The following ECT2L variants were observed in gnomAD, a reference collection of about 807,000 sequenced individuals.
ECT2L encodes epithelial cell-transforming sequence 2 oncogene-like.
ECT2L carries 126 observed loss-of-function variants against 122.8 expected under a neutral mutation model. The observed-to-expected ratio is 1.03, with a 90% CI of 0.89 to 1.19. ECT2L has a LOEUF of 1.19. Ranked by LOEUF, ECT2L falls within the 50% of genes most tolerant of loss-of-function variation. ECT2L has a pLI of 0.00. For synonymous variants in ECT2L, 385 were observed against 381.8 expected (o/e 1.01, Z -0.10); for missense variants, 1,012 against 1,064.1 (o/e 0.95, Z 0.68).
chr6:138,853,826 A>G (rs938611109), intron 9 of ECT2L, among the ~76,000 whole-genome samples, 200 bp from the exon 10 acceptor site: 2 of 152,124 alleles, frequency 1.3e-5, no homozygotes, highest in Admixed American at 6.6e-5. Context: ...ATAGTGTCCA[A>G]TTTACCCAGG....
chr6:138,808,239 A>ATTTTTG (rs918856043), intron 1 of ECT2L, among the ~76,000 whole-genome samples: 5 of 151,914 alleles, frequency 3.3e-5, no homozygotes, highest in South Asian at 2.1e-4. Flanking sequence ...ATTGGATTTT[A>ATTTTTG]TTTTTGTTTT....
chr6:138,816,135 CAAGAT>C (rs1410330770), intron 4 of ECT2L, among the ~76,000 whole-genome samples: 2 of 152,182 alleles, frequency 1.3e-5, no homozygotes, highest in African/African-American at 4.8e-5. Context: ...TTGCAGCTTT[CAAGAT>C]AAGAAAATAA....
At position 138,838,904 on chromosome 6, in the gene ECT2L, C is replaced by A. The variant is rs138216436; in HGVS notation, c.342+390C>A. 7.6e-3 allele frequency among the ~76,000 whole-genome samples: 1,155 copies of A among 152,284 alleles called. 15 individuals are homozygous for A. Among genetic ancestry groups the A allele is most frequent in the African/African-American group, 0.026 (1,081 of 41,560 alleles). ...TCAAGTGACTCTCCCACCTCAGCCT[C>A]CTGAGTAGCTGGGATTACAGGCGCG... is the stretch of plus-strand genomic sequence containing the variant. On this transcript the variant is annotated intron_variant, in intron 5 of 21. Transcript: ENST00000541398.
rs539467941 is a variant in ECT2L at position 138,831,629 on chromosome 6, C to T, written c.180-6723C>T. The stretch of plus-strand genomic sequence containing the variant: ...TACTTTTTCTTCAGAAGATTAACTA[C>T]AGTTGTAATTTCACCTTTATTTATT... On this transcript the variant is annotated intron_variant, in intron 4 of 21. Coordinates refer to ENST00000541398, the MANE Select transcript of ECT2L (RefSeq NM_001077706.3). 2.8e-3 allele frequency among the ~76,000 whole-genome samples: 424 copies of T among 152,332 alleles called. 1 individual carries two copies. Among genetic ancestry groups the T allele is most frequent in the African/African-American group, 9.7e-3 (404 of 41,566 alleles).
chr6:138,857,050 C>T (rs1777635208), intron 10 of ECT2L, among the ~76,000 whole-genome samples: 1 of 152,126 alleles, frequency 6.6e-6, no homozygotes, highest in Non-Finnish European at 1.5e-5. Context: ...TTCCCTTCGC[C>T]CTGATGGAAG....
chr6:138,830,156 TA>T, intron 4 of ECT2L, among the ~76,000 whole-genome samples: 1 of 152,372 alleles, frequency 6.6e-6, no homozygotes, highest in East Asian at 1.9e-4. Context: ...TTTTGTTTGA[TA>T]ATATTAAAAG....
At chr6:138,802,879 C>T (rs535643945) in intron 1 of ECT2L, among the ~76,000 whole-genome samples, 1 of 152,028 alleles carries the variant, frequency 6.6e-6, no homozygotes, top group South Asian at 2.1e-4. Context: ...GAGTTCGAGA[C>T]AGCCTGGCCA....
At chr6:138,824,897 C>T (rs939642004) in intron 4 of ECT2L, among the ~76,000 whole-genome samples, 2 of 152,332 alleles carry the variant, frequency 1.3e-5, no homozygotes, top group African/African-American at 2.4e-5. Context: ...CTCCACCCCC[C>T]GGAACCACAT....
intron 21 of ECT2L, 143 bp from the exon 22 acceptor site, chr6:138,902,357 G>T: frequency 1.6e-6 from 1 of 636,930 alleles, no homozygotes; most frequent in South Asian, 2.1e-5. Flanking sequence ...GTAATTTTAG[G>T]AAGTTATATT....
intron 21 of ECT2L, among the ~76,000 whole-genome samples, chr6:138,901,720 T>C (rs1352369394): frequency 1.3e-5 from 2 of 152,212 alleles, no homozygotes; most frequent in Non-Finnish European, 2.9e-5. Flanking sequence ...ATACTTTACT[T>C]CCCAAGCTTA....
chr6:138,818,037 G>T (rs1157702544), intron 4 of ECT2L, among the ~76,000 whole-genome samples: 1 of 152,168 alleles, frequency 6.6e-6, no homozygotes, highest in African/African-American at 2.4e-5. Flanking sequence ...CCACACTGGT[G>T]GAACCGGTTT....
At chr6:138,824,149 C>T (rs1776352856) in intron 4 of ECT2L, among the ~76,000 whole-genome samples, 1 of 152,038 alleles carries the variant, frequency 6.6e-6, no homozygotes, top group Admixed American at 6.6e-5. Flanking sequence ...GAACTGTATA[C>T]ACACATTGTA....
intron 20 of ECT2L, among the ~76,000 whole-genome samples, chr6:138,898,419 T>C (rs1356393817): frequency 1.3e-5 from 2 of 152,220 alleles, no homozygotes; most frequent in Non-Finnish European, 2.9e-5. Context: ...AAACAACTCC[T>C]ACTTCCTAAC....
At chr6:138,876,622 T>C in intron 14 of ECT2L, 64 bp downstream of exon 14, 1 of 1,047,852 alleles carries the variant, frequency 9.5e-7, no homozygotes, top group Admixed American at 2.5e-5. Context: ...TTTCAGCCTT[T>C]ATTCTGGTTA....
At position 138,814,219 on chromosome 6, in the gene ECT2L, C is replaced by T. The variant is rs541487730; in HGVS notation, c.67-272C>T. On this transcript the variant is annotated intron_variant, in intron 3 of 21. Transcript: ENST00000541398. ...CCAGGAATCATTACCTCTTTGTTTT[C>T]CAGAGGCCCTTCTTGGGCCCCTCTA... Among the ~76,000 whole-genome samples, 58 of 152,328 alleles carry T rather than the reference C, an allele frequency of 3.8e-4. 1 individual carries two copies. Among genetic ancestry groups the T allele is most frequent in the Admixed American group, 8.5e-4 (13 of 15,300 alleles).
intron 1 of ECT2L, among the ~76,000 whole-genome samples, chr6:138,810,414 A>G (rs544841916): frequency 6.6e-6 from 1 of 152,230 alleles, no homozygotes; most frequent in Non-Finnish European, 1.5e-5. Flanking sequence ...ATCTCAGGGA[A>G]GAAAGACGTA....
chr6:138,873,731 T>C (rs750189206), intron 13 of ECT2L, among the ~76,000 whole-genome samples: 4 of 152,024 alleles, frequency 2.6e-5, no homozygotes, highest in Non-Finnish European at 5.9e-5. Context: ...GAGGCAGAGG[T>C]TGCAGTGAGC....
rs1562481791 is a variant in ECT2L, at chr6:138,865,191, GCTA to G, written c.1474+16_1474+18del. On this transcript the variant is annotated intron_variant, in intron 12 of 21. Transcript: ENST00000541398. Reference sequence around the variant, plus strand: ...GGCAGGATGATAGGTAAGCAGTCTTGCTACTTCTGTTGCAGGTTAATTATGAAG... The same window carrying G: ...GGCAGGATGATAGGTAAGCAGTCTTGCTTCTGTTGCAGGTTAATTATGAAG... 6.3e-7 allele frequency: 1 copy of G among 1,584,110 alleles called. No individual in the cohort carries two copies. Among genetic ancestry groups the G allele is most frequent in the Admixed American group, 1.7e-5 (1 of 57,556 alleles).
intron 4 of ECT2L, among the ~76,000 whole-genome samples, chr6:138,836,082 G>A (rs114383773): frequency 2.2e-4 from 34 of 152,028 alleles, no homozygotes; most frequent in Non-Finnish European, 7.4e-5. Flanking sequence ...TCAGTGGATC[G>A]CGTCGGGGGG....
Sources: allele counts gnomAD v4.1 joint callset (sites outside exome capture counted in the v4.1 genomes callset), GRCh38; gene constraint gnomAD v4.1.1; transcripts MANE v1.5; gene names NCBI Gene and HGNC (gene_info 2026-07-23, HGNC 2026-07-21).